The following GRIP1 variants were observed in gnomAD, a reference collection of about 807,000 sequenced individuals.
GRIP1 encodes the protein glutamate receptor-interacting protein 1.
A neutral mutation model predicts 129.9 loss-of-function variants in GRIP1; 45 were observed. That is an observed-to-expected ratio of 0.35 (90% CI 0.27 to 0.44). GRIP1 has a LOEUF of 0.44. Ranked by LOEUF, GRIP1 falls within the 20% of genes least tolerant of loss-of-function variation. The probability of loss-of-function intolerance (pLI) is 1.00; values close to 1 mark genes in which losing one functional copy is unlikely to be tolerated. For synonymous variants in GRIP1, 530 were observed against 520.8 expected (o/e 1.02, Z -0.24); for missense variants, 1,196 against 1,396.8 (o/e 0.86, Z 2.29).
At chr12:66,580,427 G>T (rs1376580546) in intron 2 of GRIP1, among the ~76,000 whole-genome samples, 3 of 151,484 alleles carry the variant, frequency 2.0e-5, no homozygotes, top group East Asian at 1.9e-4. Context: ...TAAATGTAAA[G>T]GGACTAAATG....
intron 1 of GRIP1, among the ~76,000 whole-genome samples, chr12:66,916,267 A>C (rs1444500236): frequency 1.3e-5 from 2 of 152,246 alleles, no homozygotes; most frequent in African/African-American, 4.8e-5. Flanking sequence ...ACACGGAGGT[A>C]TCTGTACATC....
intron 1 of GRIP1, among the ~76,000 whole-genome samples, chr12:66,868,866 G>A (rs1019300705): frequency 2.6e-4 from 40 of 152,054 alleles, no homozygotes; most frequent in Non-Finnish European, 1.2e-4. Flanking sequence ...ATAAAACAGC[G>A]AAACATGAGG....
At position 66,886,266 on chromosome 12, in the gene GRIP1, AAAACAAAAC is replaced by A. The variant is rs147995484; in HGVS notation, c.58+182775_58+182783del. ...GGGTGACAGAGTGAGACCATGTCAA[AAAACAAAAC>A]AAACAAAGATTATCCCCAAATCCTA... is the stretch of plus-strand genomic sequence containing the variant. On this transcript the variant is annotated intron_variant, in intron 1 of 1. Coordinates refer to the GRIP1 transcript ENST00000643019. Among the ~76,000 whole-genome samples, 708 of 152,298 alleles carry A rather than the reference AAAACAAAAC, an allele frequency of 4.6e-3. 7 individuals carry two copies. Among genetic ancestry groups the A allele is most frequent in the African/African-American group, 0.016 (662 of 41,556 alleles).
intron 2 of GRIP1, among the ~76,000 whole-genome samples, chr12:66,553,863 C>T (rs1347766314): frequency 6.6e-6 from 1 of 152,006 alleles, no homozygotes; most frequent in African/African-American, 2.4e-5. Flanking sequence ...GCATTTGGAC[C>T]AGCCCTAGCT....
In GRIP1 at chr12:67,006,347, T is replaced by A. The variant is rs1397866531; in HGVS notation, c.58+62703A>T. Among the ~76,000 whole-genome samples the A allele has an allele frequency of 8.5e-5, 13 of 152,100 alleles. 1 individual carries two copies. The highest frequency in any genetic ancestry group is 6.6e-4 in the Admixed American group (10 of 15,248). ...TGTGAGGCTGAGGCAGGAGGATCACTTGAGCCTAGCAGTTCAAGACCAGCC... is the reference window on the plus strand; with the variant it reads ...TGTGAGGCTGAGGCAGGAGGATCACATGAGCCTAGCAGTTCAAGACCAGCC... On this transcript the variant is annotated intron_variant, in intron 1 of 1. Transcript: ENST00000643019.
At chr12:66,679,444 C>CAAAA (rs10691128), upstream of GRIP1, among the ~76,000 whole-genome samples, 392 of 117,370 alleles carry the variant, frequency 3.3e-3, 5 homozygotes, top group African/African-American at 0.012. Context: ...AAACAACAAC[C>CAAAA]AAAAAAAAAA....
intron 1 of GRIP1, among the ~76,000 whole-genome samples, chr12:67,007,485 C>CA (rs1325308672): frequency 2.0e-5 from 3 of 151,786 alleles, no homozygotes; most frequent in Non-Finnish European, 4.4e-5. Flanking sequence ...TCATCCCCCC[C>CA]AAAAAACAAA....
chr12:66,540,699 G>T (rs762634562), intron 3 of GRIP1, among the ~76,000 whole-genome samples: 2 of 152,216 alleles, frequency 1.3e-5, no homozygotes, highest in African/African-American at 2.4e-5. Flanking sequence ...TATGGGGCAA[G>T]AACTCAGATT....
chr12:66,989,114 T>C (rs2042357313), intron 1 of GRIP1, among the ~76,000 whole-genome samples: 1 of 152,236 alleles, frequency 6.6e-6, no homozygotes, highest in Admixed American at 6.5e-5. Flanking sequence ...TGTGGAAGAC[T>C]ATACTGTGAA....
chr12:66,737,414 G>T (rs1326008263), intron 1 of GRIP1, among the ~76,000 whole-genome samples: 2 of 152,104 alleles, frequency 1.3e-5, no homozygotes, highest in East Asian at 3.9e-4. Flanking sequence ...CTCCTGAGTA[G>T]CTGGAATTAC....
chr12:66,631,698 T>C (rs548340128), intron 1 of GRIP1, among the ~76,000 whole-genome samples: 6 of 152,330 alleles, frequency 3.9e-5, no homozygotes, highest in African/African-American at 1.4e-4. Context: ...AGTGATACTA[T>C]GCTTATTATT....
chr12:66,585,127 G>A (rs1358597594), intron 2 of GRIP1, among the ~76,000 whole-genome samples: 20 of 146,566 alleles, frequency 1.4e-4, no homozygotes, highest in African/African-American at 4.3e-4. Flanking sequence ...TATACTTTAA[G>A]TTTTAGGGTA....
intron 1 of GRIP1, among the ~76,000 whole-genome samples, chr12:66,848,916 G>C (rs892692017): frequency 6.6e-6 from 1 of 152,050 alleles, no homozygotes; most frequent in Non-Finnish European, 1.5e-5. Context: ...CAATTGATGG[G>C]CTGCTTTCCG....
At chr12:66,944,832 G>C (rs2041641151) in intron 1 of GRIP1, among the ~76,000 whole-genome samples, 1 of 152,118 alleles carries the variant, frequency 6.6e-6, no homozygotes, top group Non-Finnish European at 1.5e-5. Context: ...TCACTTTGTT[G>C]CCCAGGCTAG....
chr12:66,895,452 T>C (rs1356474867), intron 1 of GRIP1, among the ~76,000 whole-genome samples: 2 of 152,168 alleles, frequency 1.3e-5, no homozygotes, highest in African/African-American at 4.8e-5. Flanking sequence ...AAATCTCTTT[T>C]TCTTTATAAA....
chr12:66,695,582 T>C (rs750234502), intron 1 of GRIP1, among the ~76,000 whole-genome samples: 1 of 152,154 alleles, frequency 6.6e-6, no homozygotes, highest in Non-Finnish European at 1.5e-5. Context: ...CCAAAACTGC[T>C]ACAGTGTTGT....
At chr12:66,649,830 T>C (rs1018055015) in intron 1 of GRIP1, among the ~76,000 whole-genome samples, 1 of 152,166 alleles carries the variant, frequency 6.6e-6, no homozygotes, top group Non-Finnish European at 1.5e-5. Context: ...ATCACACACA[T>C]ATGGATGTAG....
chr12:66,528,244 C>T (rs1419587247), intron 5 of GRIP1, among the ~76,000 whole-genome samples: 2 of 150,208 alleles, frequency 1.3e-5, no homozygotes, highest in African/African-American at 2.5e-5. Context: ...ACACCATTCT[C>T]CTGCCTCAGC....
intron 7 of GRIP1, among the ~76,000 whole-genome samples, chr12:66,508,672 T>C (rs2138853430): frequency 6.6e-6 from 1 of 152,242 alleles, no homozygotes; most frequent in East Asian, 1.9e-4. Context: ...TTTTAGTTAT[T>C]GTTCCATCTT....
Sources: gnomAD v4.1 joint callset for allele counts (sites outside exome capture counted in the v4.1 genomes callset) on GRCh38, gnomAD v4.1.1 for gene constraint, MANE v1.5 for transcripts, NCBI Gene and HGNC (gene_info 2026-07-23, HGNC 2026-07-21) for gene names.